Variants in DCDC1 observed in about 807,000 individuals in gnomAD.
DCDC1 encodes doublecortin domain containing 1, also known as doublecortin domain-containing protein 1.
Under a neutral mutation model 178.3 loss-of-function variants are expected in DCDC1, and 200 were observed. The observed-to-expected ratio is 1.12, with a 90% CI of 1.00 to 1.26. DCDC1 has a LOEUF of 1.26. DCDC1 is among the 50% of genes most tolerant of loss of function. The pLI is 0.00. For missense variants in DCDC1, 1,983 were observed against 1,749.2 expected, an observed-to-expected ratio of 1.13 and a Z score of -2.38; for synonymous variants, 690 against 604.8, an observed-to-expected ratio of 1.14 and a Z score of -2.07.
At chr11:31,059,282 C>T (rs1955784858) in intron 20 of DCDC1, among the ~76,000 whole-genome samples, 1 of 152,014 alleles carries the variant, frequency 6.6e-6, no homozygotes, top group Non-Finnish European at 1.5e-5. Context: ...TTTTAATTCA[C>T]AGAGAACATA....
chr11:30,869,323 T>C (rs767236004), intron 38 of DCDC1, among the ~76,000 whole-genome samples: 29 of 152,236 alleles, frequency 1.9e-4, no homozygotes, highest in Admixed American at 4.6e-4. Flanking sequence ...GAGAAGAAAG[T>C]TCTACAAAAA....
chr11:31,163,258 TA>T (rs1215442196), intron 9 of DCDC1, among the ~76,000 whole-genome samples: 1 of 152,150 alleles, frequency 6.6e-6, no homozygotes, highest in Non-Finnish European at 1.5e-5. Flanking sequence ...ATAAAGGCAA[TA>T]TTTATTATTT....
intron 21 of DCDC1, among the ~76,000 whole-genome samples, chr11:30,935,955 C>T (rs1017471291): frequency 6.6e-6 from 1 of 152,132 alleles, no homozygotes; most frequent in Non-Finnish European, 1.5e-5. Flanking sequence ...TTTTACCAGT[C>T]CCTTGACTGG....
At chr11:31,234,270 A>G (rs1976177189) in intron 9 of DCDC1, among the ~76,000 whole-genome samples, 1 of 152,220 alleles carries the variant, frequency 6.6e-6, no homozygotes, top group Non-Finnish European at 1.5e-5. Context: ...TTTATGAAAG[A>G]GAGCAATAAA....
rs570762047 is a variant in DCDC1 at position 31,144,314 on chromosome 11, T to A, written c.1222-6530A>T. On this transcript the variant is annotated intron_variant, in intron 9 of 38. Transcript: ENST00000684477. ...CACGCCTGGCTAATATTTTTTTTTT[T>A]TAATTTTTTGTAGAGACGGGGTTTC... Among the ~76,000 whole-genome samples, 11 of 152,110 alleles carry A rather than the reference T, an allele frequency of 7.2e-5. No homozygotes were observed. In the East Asian group the frequency reaches 9.7e-4, roughly 13 times the overall value.
At chr11:30,906,100 A>C in intron 30 of DCDC1, among the ~76,000 whole-genome samples, 1 of 152,190 alleles carries the variant, frequency 6.6e-6, no homozygotes, top group East Asian at 1.9e-4. Context: ...AAATACTATT[A>C]GACATAGACG....
At chr11:31,127,825 A>G (rs895970874) in intron 10 of DCDC1, among the ~76,000 whole-genome samples, 186 bp from the exon 11 acceptor site, 5 of 152,204 alleles carry the variant, frequency 3.3e-5, no homozygotes, top group African/African-American at 1.2e-4. Flanking sequence ...TATTTATGAA[A>G]AAATGTCTAA....
chr11:31,058,750 A>G (rs1389927420), intron 20 of DCDC1, among the ~76,000 whole-genome samples: 1 of 152,146 alleles, frequency 6.6e-6, no homozygotes, highest in East Asian at 1.9e-4. Flanking sequence ...TGGAGAATAA[A>G]TTGTAGGAGG....
intron 21 of DCDC1, among the ~76,000 whole-genome samples, chr11:30,944,914 C>T (rs1459721587): frequency 6.7e-6 from 1 of 149,974 alleles, no homozygotes; most frequent in African/African-American, 2.5e-5. Context: ...GTATTCATGC[C>T]TAAGATTATG....
chr11:31,280,324 C>T (rs1462484681), intron 7 of DCDC1, among the ~76,000 whole-genome samples: 4 of 152,098 alleles, frequency 2.6e-5, no homozygotes, highest in African/African-American at 9.7e-5. Flanking sequence ...ATTCACATAA[C>T]CAGTTACATA....
chr11:31,137,670 G>C, intron 10 of DCDC1, 22 bp downstream of exon 10: 1 of 701,514 alleles, frequency 1.4e-6, no homozygotes, highest in Non-Finnish European at 2.6e-6. Context: ...TTAAAATACA[G>C]TTTACAAAGT....
intron 18 of DCDC1, among the ~76,000 whole-genome samples, chr11:31,074,313 A>T (rs979805679): frequency 2.0e-4 from 30 of 152,156 alleles, no homozygotes; most frequent in African/African-American, 6.8e-4. Flanking sequence ...GTAACCCTCC[A>T]CACAAAAGTC....
chr11:30,910,464 C>T (rs1945364127), intron 28 of DCDC1, among the ~76,000 whole-genome samples: 1 of 152,064 alleles, frequency 6.6e-6, no homozygotes, highest in Admixed American at 6.6e-5. Flanking sequence ...GGTATTTGTC[C>T]AGATTGCTAT....
At chr11:31,080,015 T>C (rs1449075344) in intron 17 of DCDC1, among the ~76,000 whole-genome samples, 1 of 152,302 alleles carries the variant, frequency 6.6e-6, no homozygotes, top group East Asian at 1.9e-4. Flanking sequence ...AAGGATCCCA[T>C]TCTAAGGCTT....
chr11:31,212,768 T>C (rs984403364), intron 9 of DCDC1, among the ~76,000 whole-genome samples: 7 of 152,240 alleles, frequency 4.6e-5, no homozygotes, highest in African/African-American at 1.7e-4. Flanking sequence ...TCTGTATTTT[T>C]TTCAGTAATT....
intron 1 of DCDC1, among the ~76,000 whole-genome samples, chr11:31,365,743 A>G (rs905532713): frequency 2.6e-5 from 4 of 152,142 alleles, no homozygotes; most frequent in African/African-American, 9.7e-5. Context: ...GCACTTGATC[A>G]ATCATCTGGG....
At chr11:31,331,248 C>G (rs910321743) in intron 2 of DCDC1, among the ~76,000 whole-genome samples, 1 of 152,186 alleles carries the variant, frequency 6.6e-6, no homozygotes, top group African/African-American at 2.4e-5. Context: ...TGAGACTTTG[C>G]TGAAGTTGCT....
intron 6 of DCDC1, among the ~76,000 whole-genome samples, chr11:31,292,370 A>G (rs11031344): frequency 6.6e-6 from 1 of 152,314 alleles, no homozygotes; most frequent in East Asian, 1.9e-4. Flanking sequence ...AATGTCCATC[A>G]ATAGATGAAT....
intron 7 of DCDC1, among the ~76,000 whole-genome samples, chr11:31,289,503 T>C (rs981398935): frequency 3.9e-5 from 6 of 151,916 alleles, no homozygotes; most frequent in African/African-American, 1.4e-4. Context: ...CAAAAATAAA[T>C]AAATGAAGAA....
Sources: allele counts gnomAD v4.1 joint callset (sites outside exome capture counted in the v4.1 genomes callset), GRCh38; gene constraint gnomAD v4.1.1; transcripts MANE v1.5; gene names NCBI Gene and HGNC (gene_info 2026-07-23, HGNC 2026-07-21).